The following EFR3A variants were observed in gnomAD, a reference collection of about 807,000 sequenced individuals.
The protein encoded by EFR3A is EFR3 homolog A.
In EFR3A, 76 loss-of-function variants were observed where a neutral mutation model predicts 104.4. The ratio of observed to expected loss-of-function variants is 0.73; its 90% confidence interval spans 0.60 to 0.88. The LOEUF (loss-of-function observed/expected upper bound fraction) is 0.88, where lower values mean the gene tolerates loss of function less well. Among genes scored for constraint, EFR3A ranks in the 40% least tolerant of loss-of-function variants. EFR3A has a pLI of 0.00. For missense variants in EFR3A, 985 were observed against 1,012.5 expected, an observed-to-expected ratio of 0.97 and a Z score of 0.37; for synonymous variants, 330 against 330.0, an observed-to-expected ratio of 1.00 and a Z score of 0.00.
chr8:131,960,338 G>C (rs551948908), intron 8 of EFR3A, among the ~76,000 whole-genome samples: 1 of 151,830 alleles, frequency 6.6e-6, no homozygotes, highest in Non-Finnish European at 1.5e-5. Context: ...AAAACCCCAC[G>C]TATATGGGGG....
At chr8:131,952,864 C>T (rs1690124413) in intron 5 of EFR3A, among the ~76,000 whole-genome samples, 1 of 152,106 alleles carries the variant, frequency 6.6e-6, no homozygotes, top group Non-Finnish European at 1.5e-5. Context: ...CTCCCCATAT[C>T]TTCTATTCTT....
At chr8:131,947,489 T>C (rs1194638539) in intron 4 of EFR3A, among the ~76,000 whole-genome samples, 2 of 151,980 alleles carry the variant, frequency 1.3e-5, no homozygotes, top group African/African-American at 4.8e-5. Flanking sequence ...ATGGTATGCT[T>C]TGAGTCACTA....
At chr8:131,961,181 C>G (rs941226353) in intron 8 of EFR3A, among the ~76,000 whole-genome samples, 5 of 152,166 alleles carry the variant, frequency 3.3e-5, no homozygotes, top group African/African-American at 1.2e-4. Context: ...AATGCAGCTC[C>G]TCACCAGCAA....
intron 14 of EFR3A, among the ~76,000 whole-genome samples, chr8:131,979,757 C>G (rs1277574337): frequency 3.3e-5 from 5 of 152,080 alleles, no homozygotes; most frequent in African/African-American, 1.2e-4. Flanking sequence ...TAGACAGCTT[C>G]AAGTTTCTGA....
intron 16 of EFR3A, among the ~76,000 whole-genome samples, chr8:131,985,481 T>C (rs1333115349): frequency 6.6e-6 from 1 of 152,220 alleles, no homozygotes; most frequent in Non-Finnish European, 1.5e-5. Context: ...CTTTCAAATA[T>C]ATTTAGTTGT....
At chr8:131,997,105 T>A (rs1821534406) in intron 19 of EFR3A, among the ~76,000 whole-genome samples, 1 of 152,072 alleles carries the variant, frequency 6.6e-6, no homozygotes, top group African/African-American at 2.4e-5. Flanking sequence ...GAGTGTACCC[T>A]CCTGACTTAT....
intron 12 of EFR3A, among the ~76,000 whole-genome samples, chr8:131,978,584 C>T (rs1820432932): frequency 6.6e-6 from 1 of 152,118 alleles, no homozygotes; most frequent in Non-Finnish European, 1.5e-5. Flanking sequence ...ATGGTGAGGA[C>T]AAAGTTAATA....
chr8:131,928,610 T>C (rs1247458292), intron 1 of EFR3A, among the ~76,000 whole-genome samples: 1 of 152,120 alleles, frequency 6.6e-6, no homozygotes, highest in African/African-American at 2.4e-5. Flanking sequence ...CCTTTTTCCA[T>C]GTCAGATGTG....
At chr8:131,941,437 T>C (rs1248728917) in intron 2 of EFR3A, among the ~76,000 whole-genome samples, 1 of 152,096 alleles carries the variant, frequency 6.6e-6, no homozygotes, top group Non-Finnish European at 1.5e-5. Context: ...ATTAACTTAA[T>C]GTTGATGTAT....
chr8:131,989,603 A>T (rs1371658175), intron 18 of EFR3A, among the ~76,000 whole-genome samples: 1 of 152,136 alleles, frequency 6.6e-6, no homozygotes, highest in African/African-American at 2.4e-5. Flanking sequence ...TTTTTCAGGG[A>T]CTCAAATATT....
chr8:131,947,436 G>C (rs1818494538), intron 4 of EFR3A, among the ~76,000 whole-genome samples: 1 of 151,426 alleles, frequency 6.6e-6, no homozygotes, highest in African/African-American at 2.4e-5. Flanking sequence ...ATGATTTGCA[G>C]ATATCTTCTC....
chr8:131,905,096 T>C (rs538603190), intron 1 of EFR3A, among the ~76,000 whole-genome samples: 15 of 152,282 alleles, frequency 9.9e-5, no homozygotes, highest in East Asian at 3.9e-4. Flanking sequence ...ACCCAGATAA[T>C]CGCAGTGTGA....
chr8:131,958,388 C>T (rs1386003573), intron 7 of EFR3A, among the ~76,000 whole-genome samples: 1 of 152,106 alleles, frequency 6.6e-6, no homozygotes, highest in Non-Finnish European at 1.5e-5. Flanking sequence ...TCTGTAAATT[C>T]TCTGAATGTG....
At chr8:131,988,337 G>T (rs79814542) in intron 18 of EFR3A, among the ~76,000 whole-genome samples, 123 of 152,080 alleles carry the variant, frequency 8.1e-4, no homozygotes, top group African/African-American at 2.9e-3. Context: ...ATTAAATTTT[G>T]TAAGTGAATT....
intron 22 of EFR3A, 36 bp downstream of exon 22, chr8:132,003,321 A>G (rs764873134): frequency 5.1e-6 from 8 of 1,576,912 alleles, no homozygotes; most frequent in Non-Finnish European, 6.9e-6. Context: ...AATAACACAC[A>G]CACACGAATA....
At chr8:131,914,899 A>C (rs1465324876) in intron 1 of EFR3A, among the ~76,000 whole-genome samples, 2 of 152,080 alleles carry the variant, frequency 1.3e-5, no homozygotes, top group African/African-American at 4.8e-5. Flanking sequence ...TATAAATAAG[A>C]ACGTGGTGTT....
intron 5 of EFR3A, among the ~76,000 whole-genome samples, chr8:131,952,429 T>A (rs1818755326): frequency 6.6e-6 from 1 of 152,166 alleles, no homozygotes; most frequent in Non-Finnish European, 1.5e-5. Context: ...CTATTGGTAG[T>A]TACCACCAAC....
intron 1 of EFR3A, among the ~76,000 whole-genome samples, chr8:131,933,921 A>C (rs1026925902): frequency 3.3e-5 from 5 of 152,220 alleles, no homozygotes; most frequent in African/African-American, 1.2e-4. Context: ...CCATCTTTTA[A>C]AACAGAATTG....
intron 17 of EFR3A, among the ~76,000 whole-genome samples, chr8:131,986,669 C>T (rs1367928849): frequency 6.6e-6 from 1 of 151,654 alleles, no homozygotes; most frequent in African/African-American, 2.4e-5. Context: ...CCTGTAGTCC[C>T]AGCTACTCAG....
Sources: allele counts gnomAD v4.1 joint callset (sites outside exome capture counted in the v4.1 genomes callset), GRCh38; gene constraint gnomAD v4.1.1; transcripts MANE v1.5; gene names NCBI Gene and HGNC (gene_info 2026-07-23, HGNC 2026-07-21).